TAFA2: variants seen among roughly 807,000 people sequenced by gnomAD.
TAFA2 encodes the protein TAFA chemokine like family member 2.
In TAFA2, 7 loss-of-function variants were observed where a neutral mutation model predicts 18.8. The ratio of observed to expected loss-of-function variants is 0.37; its 90% CI spans 0.21 to 0.70. The LOEUF is 0.70. TAFA2 is among the 30% of genes least tolerant of loss of function. The pLI is 0.53. For missense variants in TAFA2, 122 were observed against 158.1 expected (o/e 0.77, Z 1.23); for synonymous variants, 60 against 54.2 (o/e 1.11, Z -0.47).
chr12:61,831,437 A>G (rs1872716933), intron 2 of TAFA2, among the ~76,000 whole-genome samples: 1 of 152,010 alleles, frequency 6.6e-6, no homozygotes, highest in African/African-American at 2.4e-5. Flanking sequence ...AATATATAAA[A>G]CTGATCAAAT....
At chr12:61,788,853 T>C (rs1870852670) in intron 2 of TAFA2, among the ~76,000 whole-genome samples, 1 of 151,812 alleles carries the variant, frequency 6.6e-6, no homozygotes, top group Non-Finnish European at 1.5e-5. Flanking sequence ...ATATAAAATC[T>C]GAACAAACCA....
intron 1 of TAFA2, among the ~76,000 whole-genome samples, chr12:61,975,974 A>T (rs1482016339): frequency 2.6e-5 from 4 of 151,808 alleles, no homozygotes. Context: ...CAATGTGTAC[A>T]TATATCAATA....
At chr12:61,873,906 T>C (rs1020604470) in intron 1 of TAFA2, among the ~76,000 whole-genome samples, 1 of 152,148 alleles carries the variant, frequency 6.6e-6, no homozygotes, top group African/African-American at 2.4e-5. Context: ...CACAAGAGAC[T>C]CATGTAAGTT....
chr12:61,913,669 G>T (rs998934340), intron 1 of TAFA2, among the ~76,000 whole-genome samples: 1 of 152,088 alleles, frequency 6.6e-6, no homozygotes, highest in Non-Finnish European at 1.5e-5. Flanking sequence ...TATTTGTTGT[G>T]CAACTTTGCT....
At chr12:61,750,710 G>T (rs1054570553) in intron 4 of TAFA2, among the ~76,000 whole-genome samples, 1 of 152,054 alleles carries the variant, frequency 6.6e-6, no homozygotes, top group Non-Finnish European at 1.5e-5. Context: ...TATTTAACAG[G>T]CTTACCCAAG....
chr12:61,714,884 G>C (rs560966426), intron 4 of TAFA2, among the ~76,000 whole-genome samples: 1 of 152,230 alleles, frequency 6.6e-6, no homozygotes, highest in Non-Finnish European at 1.5e-5. Context: ...ATATTATGGT[G>C]AGAGGCATAA....
At chr12:61,748,916 T>C (rs535649168) in intron 4 of TAFA2, among the ~76,000 whole-genome samples, 135 of 152,104 alleles carry the variant, frequency 8.9e-4, no homozygotes, top group African/African-American at 3.1e-3. Context: ...TACTCTTAAC[T>C]TATATTTACC....
chr12:62,194,097 C>T (rs1258208046), upstream of TAFA2, among the ~76,000 whole-genome samples: 4 of 152,142 alleles, frequency 2.6e-5, no homozygotes, highest in East Asian at 7.7e-4. Context: ...ATATTTCATT[C>T]CACTTACATA....
chr12:62,164,246 G>A (rs78877199), intron 1 of TAFA2, among the ~76,000 whole-genome samples: 7,538 of 152,158 alleles, frequency 0.05, 269 homozygotes, highest in Non-Finnish European at 0.075. Flanking sequence ...GGCAGCCAAA[G>A]TTTCACTTAG....
intron 1 of TAFA2, among the ~76,000 whole-genome samples, chr12:61,996,175 T>C (rs1442420350): frequency 6.6e-6 from 1 of 152,164 alleles, no homozygotes; most frequent in Admixed American, 6.6e-5. Flanking sequence ...CAACACTTGC[T>C]ATATACAGTG....
At chr12:62,238,494 C>G (rs189706568) in intron 1 of TAFA2, among the ~76,000 whole-genome samples, 1 of 152,308 alleles carries the variant, frequency 6.6e-6, no homozygotes, top group Admixed American at 6.5e-5. Context: ...ATCCTCCCAA[C>G]AGCTCTCTGA....
chr12:62,121,640 C>T (rs1422593781), intron 1 of TAFA2, among the ~76,000 whole-genome samples: 3 of 152,104 alleles, frequency 2.0e-5, no homozygotes, highest in Non-Finnish European at 4.4e-5. Context: ...TTCAACTATG[C>T]TAAGGATAGG....
At chr12:61,772,648 C>A (rs774053869) in intron 2 of TAFA2, among the ~76,000 whole-genome samples, 2 of 151,838 alleles carry the variant, frequency 1.3e-5, no homozygotes, top group African/African-American at 4.8e-5. Flanking sequence ...AAGCATTTGA[C>A]AAAATCTGGC....
At chr12:61,845,968 T>A (rs562887717) in intron 2 of TAFA2, among the ~76,000 whole-genome samples, 1 of 152,322 alleles carries the variant, frequency 6.6e-6, no homozygotes, top group African/African-American at 2.4e-5. Context: ...TAGTTGTGTT[T>A]AGCCACAGAA....
chr12:62,148,214 A>G lies in TAFA2; in HGVS notation c.-2+43045T>C, dbSNP rs2062301454. Among the ~76,000 whole-genome samples, 3 of 152,228 alleles carry G rather than the reference A, an allele frequency of 2.0e-5. No individual in the cohort carries two copies. In the South Asian group the frequency reaches 6.2e-4, roughly 31 times the overall value. ...CAATCCAGCAATCCCAAAGGAAAAT[A>G]AGTCATTCTACCAAAAATACACTTG... On this transcript the variant is annotated intron_variant, in intron 1 of 4. Coordinates refer to ENST00000416284, the MANE Select transcript of TAFA2 (RefSeq NM_178539.5).
chr12:62,153,922 T>TTATGC (rs2062348596), intron 1 of TAFA2, among the ~76,000 whole-genome samples: 1 of 19,832 alleles, frequency 5.0e-5, no homozygotes, highest in South Asian at 1.3e-3. Flanking sequence ...CATAACAAAA[T>TTATGC]TATGTTATGT....
chr12:61,895,771 A>T (rs1306008788), intron 1 of TAFA2, among the ~76,000 whole-genome samples: 1 of 152,150 alleles, frequency 6.6e-6, no homozygotes, highest in African/African-American at 2.4e-5. Flanking sequence ...AATAGTAGGT[A>T]CTCAATATAT....
At chr12:61,994,686 C>G (rs373215013) in intron 1 of TAFA2, among the ~76,000 whole-genome samples, 1 of 151,982 alleles carries the variant, frequency 6.6e-6, no homozygotes. Context: ...TGGACTCTCC[C>G]TTCCTCATTT....
chr12:61,765,359 A>G (rs1259061574), intron 2 of TAFA2, among the ~76,000 whole-genome samples: 1 of 152,092 alleles, frequency 6.6e-6, no homozygotes, highest in African/African-American at 2.4e-5. Context: ...ATAAGCAAGA[A>G]ATACATTTAG....
Sources: gnomAD v4.1 joint callset for allele counts (sites outside exome capture counted in the v4.1 genomes callset) on GRCh38, gnomAD v4.1.1 for gene constraint, MANE v1.5 for transcripts, NCBI Gene and HGNC (gene_info 2026-07-23, HGNC 2026-07-21) for gene names.